DEPDC4: variants seen among roughly 807,000 people sequenced by gnomAD.
DEPDC4 encodes DEP domain-containing protein 4.
Under a neutral mutation model 52.0 loss-of-function variants are expected in DEPDC4, and 52 were observed. That is an observed-to-expected ratio of 1.00 (90% CI 0.80 to 1.26). The LOEUF is 1.26. Among genes scored for constraint, DEPDC4 ranks in the 50% most tolerant of loss-of-function variants. The probability of loss-of-function intolerance (pLI) is 0.00; values close to 1 mark genes in which losing one functional copy is unlikely to be tolerated. For missense variants in DEPDC4, 530 were observed against 546.9 expected (o/e 0.97, Z 0.31); for synonymous variants, 201 against 196.8 (o/e 1.02, Z -0.18).
intron 3 of DEPDC4, among the ~76,000 whole-genome samples, chr12:100,261,494 A>G (rs1404807289): frequency 6.6e-6 from 1 of 152,206 alleles, no homozygotes; most frequent in African/African-American, 2.4e-5. Context: ...GTGGTGCAAC[A>G]GGTAGTTTAG....
upstream of DEPDC4, among the ~76,000 whole-genome samples, chr12:100,270,675 A>G (rs1592922288): frequency 7.2e-6 from 1 of 139,558 alleles, no homozygotes; most frequent in South Asian, 2.2e-4. Flanking sequence ...GGGTCTCACT[A>G]TGTTGCCCAG....
In DEPDC4 at chr12:100,245,156, C is replaced by T. The variant is rs555096813; in HGVS notation, c.1454-2587G>A. Among the ~76,000 whole-genome samples the T allele has an allele frequency of 3.9e-5, 6 of 152,236 alleles. No homozygotes were observed. The South Asian group carries it at 1.2e-3, about 32-fold the overall frequency. ...AAATGCTGGGATTACAGGTGTGAGC[C>T]ACCACACCTGGCCCCATCCTTATTT... is the stretch of plus-strand genomic sequence containing the variant. On this transcript the variant is annotated intron_variant, in intron 8 of 9. Coordinates refer to ENST00000550587, the MANE Select transcript of DEPDC4 (RefSeq NM_001364818.2).
the DEPDC4 span, among the ~76,000 whole-genome samples, chr12:100,273,168 A>G: frequency 4.6e-4 from 70 of 151,998 alleles, no homozygotes; most frequent in Non-Finnish European, 7.2e-4. Context: ...TTACTACTCA[A>G]TGTCCTTGGT....
chr12:100,260,036 T>C (rs571684992), intron 3 of DEPDC4, among the ~76,000 whole-genome samples: 1 of 151,936 alleles, frequency 6.6e-6, no homozygotes, highest in East Asian at 1.9e-4. Context: ...TACTGTAAAA[T>C]CATGGATAAA....
At chr12:100,235,133 T>C (rs7137718), downstream of DEPDC4, among the ~76,000 whole-genome samples, 2,168 of 151,952 alleles carry the variant, frequency 0.014, 48 homozygotes, top group African/African-American at 0.05. Flanking sequence ...ATAAGCTCCA[T>C]TAGAGAATGT....
In DEPDC4 at chr12:100,266,951, A is replaced by G; in HGVS notation, c.126T>C (p.Arg42=). 2 of 1,613,824 alleles carry G rather than the reference A, an allele frequency of 1.2e-6. No individual in the cohort carries two copies. Among genetic ancestry groups the G allele is most frequent in the Non-Finnish European group, 1.7e-6 (2 of 1,179,844 alleles). Residue 42 remains arginine, a synonymous_variant, in exon 1 of 10, where the codon CGT becomes CGC. Coordinates refer to ENST00000550587, the MANE Select transcript of DEPDC4 (RefSeq NM_001364818.2). Reference sequence around the variant, plus strand: ...TCCTTTTCCGGCAGAAGCCATCTCTACGGTTCCTGGAACTTGGCCCGTTCA... The same window carrying G: ...TCCTTTTCCGGCAGAAGCCATCTCTGCGGTTCCTGGAACTTGGCCCGTTCA... ...PGLNGPSSRN[R]RDGFCRKRRT...
Position 100,266,932 on chromosome 12 carries a change from T to C in DEPDC4, c.145A>G (p.Lys49Glu), listed in dbSNP as rs774607511. ...SRNRRDGFCR[K>E]RRTGCSGPFQ... ...TATACAGGGCTACCTGTCCTCCTTT[T>C]CCGGCAGAAGCCATCTCTACGGTTC... The change falls in exon 1 of 10, where the codon AAA (lysine) becomes GAA (glutamate). Residue 49 changes from lysine (K) to glutamate (E), a missense_variant. Coordinates refer to ENST00000550587, the MANE Select transcript of DEPDC4 (RefSeq NM_001364818.2). 72 of 1,613,544 alleles carry C rather than the reference T, an allele frequency of 4.5e-5. No homozygotes were observed. The highest frequency in any genetic ancestry group is 3.3e-4 in the Middle Eastern group (2 of 6,060).
intron 4 of DEPDC4, among the ~76,000 whole-genome samples, chr12:100,255,653 G>T (rs548670939): frequency 6.6e-6 from 1 of 152,110 alleles, no homozygotes; most frequent in African/African-American, 2.4e-5. Context: ...TTTATGATAG[G>T]GCTTATCTTT....
chr12:100,273,065 C>A, the DEPDC4 span, among the ~76,000 whole-genome samples: 1 of 152,080 alleles, frequency 6.6e-6, no homozygotes, highest in Non-Finnish European at 1.5e-5. Context: ...TTCTCAGCCT[C>A]CACCTTTAGT....
At position 100,244,134 on chromosome 12, in the gene DEPDC4, T is replaced by TATATATAC. The variant is rs1403751762; in HGVS notation, c.1454-1566_1454-1565insGTATATAT. Among the ~76,000 whole-genome samples, 9 of 121,826 alleles carry TATATATAC rather than the reference T, an allele frequency of 7.4e-5. 2 individuals carry two copies. In the East Asian group the frequency reaches 1.2e-3, roughly 16 times the overall value. The allele number at this position is 121,826 out of a possible 152,430, so 79.9% of individuals were successfully genotyped here. A position where few individuals can be genotyped will look rare whatever the true frequency, so the allele number is the denominator to read the frequency against. On this transcript the variant is annotated intron_variant, in intron 8 of 9. Coordinates refer to ENST00000550587, the MANE Select transcript of DEPDC4 (RefSeq NM_001364818.2). ...ATATATATATATATATATATATATA[T>TATATATAC]ACACAAAATACAATAAAATACAATT... is the stretch of plus-strand genomic sequence containing the variant.
chr12:100,252,459 A>T lies in DEPDC4; in HGVS notation c.1183T>A (p.Leu395Ile), dbSNP rs766857486. 6.2e-7 allele frequency: 1 copy of T among 1,606,678 alleles called. No individual in the cohort carries two copies. ...GCCATAAAAGTAAGTAGCCGTCGTA[A>T]TTCTTCTCTAATGTTCAGCAACAGC... ...RLLLLNIREE[L>I]RRLLTFMAMA... is the part of the protein sequence containing the mutation. The change falls in exon 6 of 10, where the codon TTA becomes ATA. Residue 395 changes from leucine to isoleucine, a missense_variant. Transcript: ENST00000550587.
At chr12:100,263,988 T>A in intron 1 of DEPDC4, 95 bp from the exon 2 acceptor site, 2 of 1,082,978 alleles carry the variant, frequency 1.8e-6, no homozygotes, top group Non-Finnish European at 2.6e-6. Context: ...GTTGAAGGCA[T>A]ATCTGCTGGT....
upstream of DEPDC4, among the ~76,000 whole-genome samples, chr12:100,268,718 A>G (rs181067584): frequency 6.6e-6 from 1 of 152,324 alleles, no homozygotes; most frequent in Admixed American, 6.5e-5. Context: ...TACTGGGAAT[A>G]ACTACTCATA....
chr12:100,281,254 C>T, the DEPDC4 span, among the ~76,000 whole-genome samples: 4 of 151,940 alleles, frequency 2.6e-5, no homozygotes, highest in African/African-American at 7.3e-5. Flanking sequence ...GTCTTGAACT[C>T]GTGAGCTCAA....
At chr12:100,265,462 G>T (rs192771646) in intron 1 of DEPDC4, among the ~76,000 whole-genome samples, 2 of 152,222 alleles carry the variant, frequency 1.3e-5, no homozygotes, top group Non-Finnish European at 2.9e-5. Flanking sequence ...TGGGCATGGT[G>T]TCGCACGCCT....
intron 4 of DEPDC4, chr12:100,255,790 C>T (rs2096229990): frequency 4.2e-6 from 1 of 237,326 alleles, no homozygotes; most frequent in South Asian, 1.4e-4. Context: ...ATGGAAATGA[C>T]AGAATTTTGG....
chr12:100,232,491 C>T (rs2096136189), intron 9 of DEPDC4, among the ~76,000 whole-genome samples: 1 of 152,122 alleles, frequency 6.6e-6, no homozygotes, highest in Admixed American at 6.6e-5. Context: ...TTTCAAGCTC[C>T]ATCTCAGTAA....
upstream of DEPDC4, among the ~76,000 whole-genome samples, chr12:100,271,285 G>GAGAGAGAAT (rs1251176785): frequency 2.2e-5 from 3 of 134,672 alleles, no homozygotes; most frequent in South Asian, 6.6e-4. Context: ...AAAAAAAAGA[G>GAGAGAGAAT]AGAGAGAATA....
rs924116413 is a variant in DEPDC4 at position 100,253,495 on chromosome 12, G to T, written c.1099C>A (p.Leu367Ile). Residue 367 changes from leucine to isoleucine, a missense_variant, in exon 5 of 10, where the codon CTT (leucine) becomes ATT (isoleucine). Physicochemically the swap from Leu to Ile is conservative, Grantham distance 5. Coordinates refer to ENST00000550587, the MANE Select transcript of DEPDC4 (RefSeq NM_001364818.2). Reference sequence around the variant, plus strand: ...TATAAACATCCTATCTTACCTAAAAGTTCAATAATTCCTGAATGAATATCA... The same window carrying T: ...TATAAACATCCTATCTTACCTAAAATTTCAATAATTCCTGAATGAATATCA... Reference protein sequence around the residue: ...YFDIHSGIIELLENEKRAEAL... With the variant: ...YFDIHSGIIEILENEKRAEAL... The T allele has an allele frequency of 1.6e-6, 2 of 1,253,584 alleles. No homozygotes were observed. The highest frequency in any genetic ancestry group is 3.1e-4 in the Middle Eastern group (1 of 3,270). The allele number at this position is 1,253,584 out of a possible 1,614,324, so 77.7% of individuals were successfully genotyped here.
Sources: allele counts gnomAD v4.1 joint callset (sites outside exome capture counted in the v4.1 genomes callset), GRCh38; gene constraint gnomAD v4.1.1; transcripts MANE v1.5; gene names NCBI Gene and HGNC (gene_info 2026-07-23, HGNC 2026-07-21).